BBS9: variants seen among roughly 807,000 people sequenced by gnomAD.
BBS9 encodes Bardet-Biedl syndrome 9.
BBS9 carries 89 observed loss-of-function variants against 117.7 expected under a neutral mutation model. The observed-to-expected ratio is 0.76, with a 90% CI of 0.64 to 0.90. BBS9 has a LOEUF of 0.90. BBS9 is among the 40% of genes least tolerant of loss of function. The probability of loss-of-function intolerance (pLI) is 0.00; values close to 1 mark genes in which losing one functional copy is unlikely to be tolerated. For synonymous variants in BBS9, 379 were observed against 370.9 expected (o/e 1.02, Z -0.25); for missense variants, 982 against 1,042.2 (o/e 0.94, Z 0.80).
chr7:33,319,807 T>G (rs1811311383), intron 9 of BBS9, among the ~76,000 whole-genome samples: 1 of 152,130 alleles, frequency 6.6e-6, no homozygotes, highest in Non-Finnish European at 1.5e-5. Flanking sequence ...ACAATCCATG[T>G]ATCTGACAAA....
At chr7:33,403,251 C>T (rs1017434912) in intron 19 of BBS9, among the ~76,000 whole-genome samples, 13 of 151,686 alleles carry the variant, frequency 8.6e-5, no homozygotes, top group Admixed American at 1.3e-4. Context: ...TCCCTCTCTC[C>T]CCACTCTAAT....
At chr7:33,253,221 A>G (rs1333515452) in intron 5 of BBS9, among the ~76,000 whole-genome samples, 2 of 152,232 alleles carry the variant, frequency 1.3e-5, no homozygotes, top group Admixed American at 6.5e-5. Context: ...AGAGACAGCA[A>G]TGCTGGATGG....
intron 5 of BBS9, among the ~76,000 whole-genome samples, chr7:33,218,741 G>A (rs1789555645): frequency 6.6e-6 from 1 of 152,266 alleles, no homozygotes; most frequent in South Asian, 2.1e-4. Flanking sequence ...GTCACACATT[G>A]TGTTGGTGAT....
intron 5 of BBS9, among the ~76,000 whole-genome samples, chr7:33,234,011 T>A (rs1792987478): frequency 6.6e-6 from 1 of 152,136 alleles, no homozygotes; most frequent in African/African-American, 2.4e-5. Context: ...CCACCCAGGA[T>A]GCAAACCATC....
chr7:33,329,634 G>C (rs1813578660), intron 9 of BBS9, among the ~76,000 whole-genome samples: 1 of 152,016 alleles, frequency 6.6e-6, no homozygotes, highest in Non-Finnish European at 1.5e-5. Context: ...AACCATGAAA[G>C]TAGATTACTG....
At chr7:33,457,839 G>T (rs923531160) in intron 19 of BBS9, among the ~76,000 whole-genome samples, 1 of 152,150 alleles carries the variant, frequency 6.6e-6, no homozygotes, top group South Asian at 2.1e-4. Context: ...ACCACTTTTA[G>T]TCAATGCTCT....
At chr7:33,229,980 G>A (rs1478345091) in intron 5 of BBS9, among the ~76,000 whole-genome samples, 1 of 152,092 alleles carries the variant, frequency 6.6e-6, no homozygotes, top group East Asian at 1.9e-4. Context: ...ATCTCATAGT[G>A]GTTTTGATTT....
downstream of BBS9, among the ~76,000 whole-genome samples, chr7:33,635,691 A>C (rs536193770): frequency 1.8e-4 from 28 of 152,348 alleles, no homozygotes; most frequent in Admixed American, 3.9e-4. Flanking sequence ...GGCGAGTGTA[A>C]GGCATTTTTC....
chr7:33,590,455 T>C (rs1384480473), intron 21 of BBS9, among the ~76,000 whole-genome samples: 2 of 110,914 alleles, frequency 1.8e-5, no homozygotes, highest in Non-Finnish European at 3.3e-5. Context: ...TTTTTTGTTT[T>C]TTTGTTTTTT....
chr7:33,436,290 T>C (rs1835293859), intron 19 of BBS9, among the ~76,000 whole-genome samples: 1 of 152,202 alleles, frequency 6.6e-6, no homozygotes, highest in South Asian at 2.1e-4. Context: ...ACTTAGATCA[T>C]GTTTTTGCAT....
At chr7:33,545,512 C>A (rs983228587) in intron 21 of BBS9, among the ~76,000 whole-genome samples, 1 of 152,122 alleles carries the variant, frequency 6.6e-6, no homozygotes, top group Non-Finnish European at 1.5e-5. Flanking sequence ...GGAGGGTCTC[C>A]CTTTCCCACT....
chr7:33,177,724 C>A, intron 5 of BBS9, 133 bp downstream of exon 5: 1 of 710,320 alleles, frequency 1.4e-6, no homozygotes, highest in South Asian at 1.5e-5. Context: ...ACCTTTGTAT[C>A]CAAATGCCCA....
Position 33,423,412 on chromosome 7 carries a change from G to A in BBS9, c.2115+35268G>A, listed in dbSNP as rs73314919. ...ACCTTGGGGGTGTGTGTGTGTGTGTGTGTTTCTAGCTATAAGGGGATGAGA... is the reference window on the plus strand; with the variant it reads ...ACCTTGGGGGTGTGTGTGTGTGTGTATGTTTCTAGCTATAAGGGGATGAGA... On this transcript the variant is annotated intron_variant, in intron 19 of 22. Transcript: ENST00000242067. 5.3e-3 allele frequency among the ~76,000 whole-genome samples: 809 copies of A among 152,160 alleles called. 7 individuals are homozygous for A. The highest frequency in any genetic ancestry group is 0.018 in the African/African-American group (757 of 41,508).
At chr7:33,306,834 C>T (rs1808111100) in intron 9 of BBS9, among the ~76,000 whole-genome samples, 1 of 152,046 alleles carries the variant, frequency 6.6e-6, no homozygotes, top group Non-Finnish European at 1.5e-5. Context: ...CATAGAAATG[C>T]CCCTTCAAAT....
intron 21 of BBS9, among the ~76,000 whole-genome samples, chr7:33,579,923 TC>T (rs1188151221): frequency 3.3e-5 from 5 of 152,200 alleles, no homozygotes; most frequent in Non-Finnish European, 5.9e-5. Flanking sequence ...TGAAGAACTC[TC>T]TTTTCTGTGT....
At chr7:33,527,094 A>C (rs1214458237) in intron 20 of BBS9, among the ~76,000 whole-genome samples, 1 of 151,948 alleles carries the variant, frequency 6.6e-6, no homozygotes, top group Non-Finnish European at 1.5e-5. Context: ...TTGAGGAGGC[A>C]GTCTGCCTCT....
intron 4 of BBS9, among the ~76,000 whole-genome samples, chr7:33,164,568 C>G (rs945014563): frequency 8.5e-5 from 13 of 152,110 alleles, no homozygotes; most frequent in Non-Finnish European, 1.6e-4. Context: ...TGAATTGATC[C>G]CTTTACCATT....
At chr7:33,182,002 G>A (rs774122299) in intron 5 of BBS9, among the ~76,000 whole-genome samples, 1 of 152,176 alleles carries the variant, frequency 6.6e-6, no homozygotes, top group Non-Finnish European at 1.5e-5. Context: ...TGGCAGAATG[G>A]CGTGAACCCA....
At chr7:33,257,990 C>T (rs1018791831) in intron 6 of BBS9, among the ~76,000 whole-genome samples, 8 of 152,074 alleles carry the variant, frequency 5.3e-5, no homozygotes, top group Admixed American at 2.0e-4. Flanking sequence ...TATACTTATT[C>T]GCTAGAAATT....
Sources: gnomAD v4.1 joint callset for allele counts (sites outside exome capture counted in the v4.1 genomes callset) on GRCh38, gnomAD v4.1.1 for gene constraint, MANE v1.5 for transcripts, NCBI Gene and HGNC (gene_info 2026-07-23, HGNC 2026-07-21) for gene names.